The following TANGO6 variants were observed in gnomAD, a reference collection of about 807,000 sequenced individuals.
TANGO6 encodes the protein transport and Golgi organization protein 6 homolog.
TANGO6 carries 90 observed loss-of-function variants against 114.2 expected under a neutral mutation model. The observed-to-expected ratio is 0.79, with a 90% CI of 0.66 to 0.94. The LOEUF (loss-of-function observed/expected upper bound fraction) is 0.94. Among genes scored for constraint, TANGO6 ranks in the 40% least tolerant of loss-of-function variants. The pLI is 0.00. For synonymous variants in TANGO6, 477 were observed against 509.8 expected (o/e 0.94, Z 0.87); for missense variants, 1,274 against 1,315.3 (o/e 0.97, Z 0.49).
chr16:69,005,788 C>CAAA (rs57025707), intron 15 of TANGO6, among the ~76,000 whole-genome samples: 1 of 86,942 alleles, frequency 1.2e-5, no homozygotes, highest in Non-Finnish European at 2.5e-5. Flanking sequence ...AACTTCATCT[C>CAAA]AAAAAAAAAA....
chr16:68,935,987 C>A (rs900735332), intron 14 of TANGO6, among the ~76,000 whole-genome samples: 29 of 152,078 alleles, frequency 1.9e-4, no homozygotes, highest in African/African-American at 6.7e-4. Flanking sequence ...TCAAGACCAG[C>A]CTAGGCAACA....
intron 4 of TANGO6, among the ~76,000 whole-genome samples, chr16:68,870,682 A>G (rs922895253): frequency 1.3e-5 from 2 of 152,130 alleles, no homozygotes; most frequent in East Asian, 1.9e-4. Context: ...ATTGACCTGC[A>G]TATTTGCCAT....
chr16:68,900,433 G>C lies in TANGO6; in HGVS notation c.1378-1G>C. ...ATTCTTCACCATTTCCTTTTTTCTA[G>C]GTGTACGTGGTTGGGAATGAACCTT... On this transcript the variant is annotated splice_acceptor_variant, in intron 7 of 17. Transcript: ENST00000261778. LOFTEE classifies it high-confidence loss of function. 1 of 1,612,988 alleles carries C rather than the reference G, an allele frequency of 6.2e-7. No homozygotes were observed. Among genetic ancestry groups the C allele is most frequent in the Non-Finnish European group, 8.5e-7 (1 of 1,179,456 alleles).
chr16:69,031,071 T>C (rs765200313), intron 16 of TANGO6, among the ~76,000 whole-genome samples: 1 of 151,900 alleles, frequency 6.6e-6, no homozygotes, highest in Non-Finnish European at 1.5e-5. Flanking sequence ...TAAAATTAAA[T>C]TAAATTTTAA....
At chr16:68,886,031 C>T (rs1027141084) in intron 7 of TANGO6, among the ~76,000 whole-genome samples, 1 of 152,210 alleles carries the variant, frequency 6.6e-6, no homozygotes, top group Non-Finnish European at 1.5e-5. Context: ...AATTTCTCTA[C>T]ATCTGGCCAA....
intron 14 of TANGO6, among the ~76,000 whole-genome samples, chr16:68,942,836 A>G (rs1039937286): frequency 7.9e-5 from 12 of 152,136 alleles, no homozygotes; most frequent in African/African-American, 2.4e-4. Flanking sequence ...AAGTAGCAAG[A>G]TACTGCAAAA....
chr16:68,875,816 A>G (rs1004798182), intron 5 of TANGO6, among the ~76,000 whole-genome samples: 1 of 151,666 alleles, frequency 6.6e-6, no homozygotes, highest in Non-Finnish European at 1.5e-5. Flanking sequence ...TGATTTGCCC[A>G]GCTTGCTCTC....
intron 2 of TANGO6, among the ~76,000 whole-genome samples, chr16:68,861,148 C>T (rs1962086393): frequency 6.6e-6 from 1 of 152,274 alleles, no homozygotes; most frequent in East Asian, 1.9e-4. Flanking sequence ...AACTCACATG[C>T]TGACTGGGGA....
intron 16 of TANGO6, chr16:69,036,155 A>G (rs1213266423): frequency 6.6e-6 from 1 of 151,938 alleles, no homozygotes; most frequent in African/African-American, 2.4e-5. Flanking sequence ...TAGAGGTAGA[A>G]CTCAGTGTTC....
At chr16:68,994,953 T>G (rs1963978428) in intron 15 of TANGO6, among the ~76,000 whole-genome samples, 1 of 152,162 alleles carries the variant, frequency 6.6e-6, no homozygotes. Context: ...AAATATAATC[T>G]GAGGCAATAC....
chr16:68,967,918 T>G (rs990530425), intron 14 of TANGO6, among the ~76,000 whole-genome samples: 6 of 152,116 alleles, frequency 3.9e-5, no homozygotes, highest in Non-Finnish European at 8.8e-5. Context: ...CTACTCAGAA[T>G]CACTGAGTAA....
At chr16:69,008,437 G>C (rs1324985833) in intron 15 of TANGO6, among the ~76,000 whole-genome samples, 3 of 152,102 alleles carry the variant, frequency 2.0e-5, no homozygotes, top group African/African-American at 7.2e-5. Context: ...TTGCTATGTT[G>C]ATCAAAGCCA....
intron 15 of TANGO6, among the ~76,000 whole-genome samples, chr16:68,985,537 C>T (rs1006092154): frequency 3.3e-5 from 5 of 152,040 alleles, no homozygotes; most frequent in South Asian, 2.1e-4. Context: ...TGACGAAACC[C>T]CATCTCTACA....
intron 15 of TANGO6, among the ~76,000 whole-genome samples, chr16:68,989,431 G>A (rs544340555): frequency 1.3e-5 from 2 of 151,198 alleles, no homozygotes; most frequent in African/African-American, 2.4e-5. Context: ...TTTTATTTTC[G>A]ATATTGTATT....
At chr16:69,049,557 G>A (rs937956963) in intron 17 of TANGO6, among the ~76,000 whole-genome samples, 2 of 150,200 alleles carry the variant, frequency 1.3e-5, no homozygotes, top group Non-Finnish European at 3.0e-5. Flanking sequence ...TCAGCCTCCC[G>A]AGTAGCTGGG....
At chr16:68,978,241 G>C (rs558783685) in intron 15 of TANGO6, among the ~76,000 whole-genome samples, 26 of 152,174 alleles carry the variant, frequency 1.7e-4, no homozygotes, top group Non-Finnish European at 3.2e-4. Context: ...AACACTAAAA[G>C]TACATATTTC....
chr16:69,038,478 C>G (rs1959725306), intron 16 of TANGO6, among the ~76,000 whole-genome samples: 1 of 151,786 alleles, frequency 6.6e-6, no homozygotes, highest in Non-Finnish European at 1.5e-5. Context: ...TTAGACATAC[C>G]TTCAGATTGT....
chr16:68,903,234 T>C (rs1265292038), intron 9 of TANGO6, among the ~76,000 whole-genome samples: 1 of 152,132 alleles, frequency 6.6e-6, no homozygotes, highest in East Asian at 1.9e-4. Flanking sequence ...TTCAGTTTGA[T>C]GGACTTGAGG....
chr16:68,928,866 T>G (rs1963204655), intron 13 of TANGO6, among the ~76,000 whole-genome samples: 1 of 152,166 alleles, frequency 6.6e-6, no homozygotes, highest in Non-Finnish European at 1.5e-5. Flanking sequence ...CAAAACTGGG[T>G]CTCCTCCCCT....
Sources: gnomAD v4.1 joint callset for allele counts (sites outside exome capture counted in the v4.1 genomes callset) on GRCh38, gnomAD v4.1.1 for gene constraint, MANE v1.5 for transcripts, NCBI Gene and HGNC (gene_info 2026-07-23, HGNC 2026-07-21) for gene names.